Variants in SLC15A3 observed in about 807,000 individuals in gnomAD.
SLC15A3 encodes solute carrier family 15 member 3.
SLC15A3 carries 39 observed loss-of-function variants against 49.2 expected under a neutral mutation model. The observed-to-expected ratio is 0.79, with a 90% CI of 0.61 to 1.04. SLC15A3 has a LOEUF of 1.04. SLC15A3 is among the 50% of genes least tolerant of loss of function. The pLI is 0.00. For missense variants in SLC15A3, 758 were observed against 794.8 expected, an observed-to-expected ratio of 0.95 and a Z score of 0.56; for synonymous variants, 339 against 367.0, an observed-to-expected ratio of 0.92 and a Z score of 0.87.
rs76312198 is a variant in SLC15A3 at position 60,941,295 on chromosome 11, G to T, written c.1108-5C>A. 18 of 1,612,190 alleles carry T rather than the reference G, an allele frequency of 1.1e-5. No homozygotes were observed. Among genetic ancestry groups the T allele is most frequent in the Non-Finnish European group, 1.4e-5 (17 of 1,179,138 alleles). ...GAGGAGCCAGGCTTCCGGGATCTGG[G>T]CAGGAGGAAGTCAGGAGAGGCAGGC... On this transcript the variant is annotated splice_polypyrimidine_tract_variant and splice_region_variant and intron_variant, in intron 4 of 7. Coordinates refer to ENST00000227880, the MANE Select transcript of SLC15A3 (RefSeq NM_016582.3).
At chr11:60,949,537 A>AAAGG (rs1856869658) in intron 1 of SLC15A3, among the ~76,000 whole-genome samples, 1 of 77,808 alleles carries the variant, frequency 1.3e-5, no homozygotes, top group African/African-American at 2.8e-5. Flanking sequence ...AGAAAGAAAG[A>AAAGG]AAGAAAGAAA....
At chr11:60,939,264 C>G (rs1016127546) in intron 6 of SLC15A3, among the ~76,000 whole-genome samples, 1 of 152,208 alleles carries the variant, frequency 6.6e-6, no homozygotes, top group Non-Finnish European at 1.5e-5. Context: ...AAGTTTCTTG[C>G]TCGCCTCCAA....
At chr11:60,941,497 C>T (rs1856708601) in intron 4 of SLC15A3, 3 of 511,774 alleles carry the variant, frequency 5.9e-6, no homozygotes, top group Non-Finnish European at 1.0e-5. Flanking sequence ...TAACTTTTAT[C>T]AATTGGTAGT....
chr11:60,950,775 A>G (rs1284345853), intron 1 of SLC15A3, among the ~76,000 whole-genome samples: 1 of 152,246 alleles, frequency 6.6e-6, no homozygotes, highest in Non-Finnish European at 1.5e-5. Context: ...TGGGCGACAG[A>G]GTGAAACTCC....
rs1250912109 is a variant in SLC15A3 at position 60,951,380 on chromosome 11, G to A, written c.172C>T (p.Leu58=). The change falls in exon 1 of 8, where the codon CTG becomes TTG. Residue 58 remains leucine, a synonymous_variant. Coordinates refer to ENST00000227880, the MANE Select transcript of SLC15A3 (RefSeq NM_016582.3). Reference sequence around the variant, plus strand: ...TTGAAGTTGGTGCTGTTGAGGTACAGCACGAGGTTGGCGGTGACGCCGAAG... The same window carrying A: ...TTGAAGTTGGTGCTGTTGAGGTACAACACGAGGTTGGCGGTGACGCCGAAG... ...AFFGVTANLV[L]YLNSTNFNWT... 1 of 1,549,542 alleles carries A rather than the reference G, an allele frequency of 6.5e-7. No homozygotes were observed. Among genetic ancestry groups the A allele is most frequent in the Non-Finnish European group, 8.7e-7 (1 of 1,153,458 alleles).
At chr11:60,947,876 TC>T (rs1349580018) in intron 1 of SLC15A3, 2 of 152,260 alleles carry the variant, frequency 1.3e-5, no homozygotes, top group East Asian at 3.9e-4. Context: ...CAGGCCCAGG[TC>T]CCAGATTCTG....
At chr11:60,949,044 G>T (rs1424106603) in intron 1 of SLC15A3, among the ~76,000 whole-genome samples, 1 of 152,142 alleles carries the variant, frequency 6.6e-6, no homozygotes, top group South Asian at 2.1e-4. Context: ...AGTAAGAAAC[G>T]GTCAGGGCTG....
chr11:60,939,025 G>A (rs577162596), intron 6 of SLC15A3, among the ~76,000 whole-genome samples: 2 of 152,328 alleles, frequency 1.3e-5, no homozygotes, highest in East Asian at 1.9e-4. Context: ...GGGGAGCGAA[G>A]GACATAGAAA....
At chr11:60,944,771 A>G (rs1203849758) in intron 2 of SLC15A3, among the ~76,000 whole-genome samples, 2 of 152,172 alleles carry the variant, frequency 1.3e-5, no homozygotes, top group African/African-American at 4.8e-5. Context: ...CAAGGCATAG[A>G]GAGTGGAGAG....
chr11:60,951,072 G>T lies in SLC15A3; in HGVS notation c.480C>A (p.Val160=). Residue 160 remains valine (V), a synonymous_variant, in exon 1 of 8, where the codon GTC becomes GTA. Transcript: ENST00000227880. ...CGAGTAGCAGCAGGCCCGCGTAGAG[G>T]ACGGGCGCGCAGTAGGGGCTGGGCG... is the stretch of plus-strand genomic sequence containing the variant. ...RSSPSPYCAP[V]LYAGLLLLGL... 6.7e-7 allele frequency: 1 copy of T among 1,487,934 alleles called. No individual in the cohort carries two copies. The highest frequency in any genetic ancestry group is 2.8e-5 in the East Asian group (1 of 35,320). 92.2% of individuals were successfully genotyped at this position (1,487,934 alleles called of 1,614,324 possible).
chr11:60,941,537 C>A, intron 4 of SLC15A3: 1 of 451,978 alleles, frequency 2.2e-6, no homozygotes, highest in Non-Finnish European at 3.9e-6. Flanking sequence ...ATGGGCTCAG[C>A]ATAAAAAAAG....
intron 7 of SLC15A3, 56 bp from the exon 8 acceptor site, chr11:60,937,429 C>G (rs931346204): frequency 3.1e-6 from 5 of 1,605,870 alleles, no homozygotes; most frequent in Non-Finnish European, 4.3e-6. Context: ...GTCTTGCGCC[C>G]TGTGCCTGCC....
Position 60,951,242 on chromosome 11 carries a change from C to G in SLC15A3, c.310G>C (p.Val104Leu), listed in dbSNP as rs962915120. 1.3e-6 allele frequency: 2 copies of G among 1,512,716 alleles called. No individual in the cohort carries two copies. The highest frequency in any genetic ancestry group is 2.7e-5 in the East Asian group (1 of 36,666). 93.7% of individuals were successfully genotyped at this position (1,512,716 alleles called of 1,614,324 possible). ...AGGTAGAGCAGCAGGCTGAGCGCGACCGCGCGGTAGCGGCCCAGGTACACG... is the reference window on the plus strand; with the variant it reads ...AGGTAGAGCAGCAGGCTGAGCGCGAGCGCGCGGTAGCGGCCCAGGTACACG... Reference protein sequence around the residue: ...ADVYLGRYRAVALSLLLYLAA... With the variant: ...ADVYLGRYRALALSLLLYLAA... The change falls in exon 1 of 8, where the codon GTC becomes CTC. Residue 104 changes from valine to leucine, a missense_variant. By Grantham distance (32) the Val-to-Leu change is conservative. Transcript: ENST00000227880.
chr11:60,938,124 C>A, intron 6 of SLC15A3, 99 bp from the exon 7 acceptor site: 1 of 1,421,012 alleles, frequency 7.0e-7, no homozygotes. Flanking sequence ...CCCACCAAGC[C>A]ACCCTCCAGG....
rs963262629 is a variant in SLC15A3 at position 60,951,568 on chromosome 11, G to C, written c.-17C>G. The C allele has an allele frequency of 1.8e-6, 2 of 1,134,106 alleles. No homozygotes were observed. Among genetic ancestry groups the C allele is most frequent in the East Asian group, 8.5e-5 (2 of 23,546 alleles). 70.3% of individuals were successfully genotyped at this position (1,134,106 alleles called of 1,614,324 possible). On this transcript the variant is annotated 5_prime_UTR_variant, in exon 1 of 8. Coordinates refer to ENST00000227880, the MANE Select transcript of SLC15A3 (RefSeq NM_016582.3). ...CGCGGGCATCCTGGCTCCGGGCTGG[G>C]CCCCCCGCGGCTCTTCTCTCCTCTC...
chr11:60,951,289 G>A lies in SLC15A3; in HGVS notation c.263C>T (p.Pro88Leu). The change falls in exon 1 of 8, where the codon CCC (proline) becomes CTC (leucine). Residue 88 changes from proline to leucine, a missense_variant. Pro to Leu is a moderately conservative substitution (Grantham distance 98). This residue lies in a region of SLC15A3 where 699 missense variants were observed against 706.7 expected (regional missense o/e 0.99). Transcript: ENST00000227880. ...VFLGASYLLA[P>L]VGGWLADVYL... The stretch of plus-strand genomic sequence containing the variant: ...CACGTCGGCCAGCCAGCCGCCCACG[G>A]GCGCCAGCAGGTAGGAGGCGCCCAG... 6.6e-7 allele frequency: 1 copy of A among 1,520,520 alleles called. No homozygotes were observed. Among genetic ancestry groups the A allele is most frequent in the Non-Finnish European group, 8.8e-7 (1 of 1,136,376 alleles). 94.2% of individuals were successfully genotyped at this position (1,520,520 alleles called of 1,614,324 possible). A position where few individuals can be genotyped will look rare whatever the true frequency, so the allele number is the denominator to read the frequency against.
Position 60,939,461 on chromosome 11 carries a change from G to A in SLC15A3, c.1435+19C>T. On this transcript the variant is annotated intron_variant, in intron 6 of 7. Transcript: ENST00000227880. ...GAGCCCATCACTGGTGCAGGAGCAG[G>A]GGAGGGGATCCAGGGTACCTGGGAT... 3.1e-6 allele frequency: 5 copies of A among 1,612,996 alleles called. No homozygotes were observed. The highest frequency in any genetic ancestry group is 1.3e-5 in the African/African-American group (1 of 75,050).
intron 1 of SLC15A3, among the ~76,000 whole-genome samples, chr11:60,948,369 C>T (rs961253733): frequency 4.6e-5 from 7 of 152,188 alleles, no homozygotes; most frequent in East Asian, 1.9e-4. Context: ...GGGGGAAGAC[C>T]AGGCAGCCCA....
intron 6 of SLC15A3, 104 bp from the exon 7 acceptor site, chr11:60,938,129 T>C: frequency 7.2e-7 from 1 of 1,382,004 alleles, no homozygotes. Context: ...CAAGCCACCC[T>C]CCAGGCTTCC....
Sources: gnomAD v4.1 joint callset for allele counts (sites outside exome capture counted in the v4.1 genomes callset) on GRCh38, gnomAD v4.1.1 for gene constraint, gnomAD v4.1.1 regional missense constraint, MANE v1.5 for transcripts, NCBI Gene and HGNC (gene_info 2026-07-23, HGNC 2026-07-21) for gene names.